FYB1: variants seen among roughly 807,000 people sequenced by gnomAD.
FYB1 encodes FYN-binding protein 1.
Under a neutral mutation model 94.1 loss-of-function variants are expected in FYB1, and 41 were observed. The ratio of observed to expected loss-of-function variants is 0.44; its 90% CI spans 0.34 to 0.57. The LOEUF is 0.57. Among genes scored for constraint, FYB1 ranks in the 20% least tolerant of loss-of-function variants. The probability of loss-of-function intolerance (pLI) is 0.02; values close to 1 mark genes in which losing one functional copy is unlikely to be tolerated. For missense variants in FYB1, 1,050 were observed against 976.8 expected (o/e 1.07, Z -1.00); for synonymous variants, 367 against 353.2 (o/e 1.04, Z -0.44).
intron 1 of FYB1, among the ~76,000 whole-genome samples, chr5:39,251,774 GA>G (rs1751721497): frequency 1.3e-5 from 2 of 151,982 alleles, no homozygotes; most frequent in Admixed American, 6.6e-5. Context: ...AGCAATGAGG[GA>G]AGGAATGAGG....
At chr5:39,198,155 T>C (rs527432807) in intron 2 of FYB1, among the ~76,000 whole-genome samples, 11 of 152,328 alleles carry the variant, frequency 7.2e-5, no homozygotes, top group Admixed American at 6.5e-4. Context: ...ATGTAGTGAT[T>C]ATAATGTGCT....
At chr5:39,188,540 CTT>C (rs35086739) in intron 2 of FYB1, among the ~76,000 whole-genome samples, 94 of 69,616 alleles carry the variant, frequency 1.4e-3, no homozygotes, top group African/African-American at 5.1e-3. Context: ...AACTACAGCA[CTT>C]TTTTTTTTTT....
intron 2 of FYB1, among the ~76,000 whole-genome samples, chr5:39,180,233 T>C (rs1477632210): frequency 6.6e-6 from 1 of 152,198 alleles, no homozygotes; most frequent in Non-Finnish European, 1.5e-5. Context: ...TTCTTCCTAG[T>C]GTATTAACGG....
At chr5:39,246,855 T>C (rs1651050112) in intron 1 of FYB1, among the ~76,000 whole-genome samples, 1 of 151,910 alleles carries the variant, frequency 6.6e-6, no homozygotes. Flanking sequence ...CAAGGCAGAA[T>C]AATACAGAGG....
intron 1 of FYB1, among the ~76,000 whole-genome samples, chr5:39,253,561 A>C (rs1751816695): frequency 6.6e-6 from 1 of 152,194 alleles, no homozygotes; most frequent in Non-Finnish European, 1.5e-5. Context: ...TACACAGGTA[A>C]ATGTGTGTTG....
Position 39,134,973 on chromosome 5 carries a change from A to G in FYB1, c.1557T>C (p.Cys519=), listed in dbSNP as rs776513947. The G allele has an allele frequency of 6.2e-7, 1 of 1,613,946 alleles. No homozygotes were observed. The change falls in exon 8 of 19, where the codon TGT becomes TGC. Residue 519 remains cysteine, a synonymous_variant. Transcript: ENST00000512982. ...CATTCTTTCCTCCTTTGACATCACA[A>G]CAAGCTTTTGCAAGATGGATGACTT... ...PIQVIHLAKA[C]CDVKGGKNEL... is the part of the protein sequence containing the mutation.
intron 1 of FYB1, among the ~76,000 whole-genome samples, chr5:39,274,007 C>A (rs1469896338): frequency 6.6e-6 from 1 of 152,054 alleles, no homozygotes; most frequent in Non-Finnish European, 1.5e-5. Context: ...TCACTGCAAC[C>A]TCCGCCTCCC....
chr5:39,186,657 T>C lies in FYB1; in HGVS notation c.1135+15169A>G, dbSNP rs201183459. Among the ~76,000 whole-genome samples the C allele has an allele frequency of 9.5e-3, 1,398 of 147,380 alleles. 40 individuals carry two copies. The East Asian group carries it at 0.11, about 11-fold the overall frequency. ...TGGATGCTTTTTTTTTTTTTTTTTTTTTTTTTTACTATTATTGATCCCTGA... is the reference window on the plus strand; with the variant it reads ...TGGATGCTTTTTTTTTTTTTTTTTTCTTTTTTTACTATTATTGATCCCTGA... On this transcript the variant is annotated intron_variant, in intron 2 of 18. Transcript: ENST00000512982.
intron 1 of FYB1, among the ~76,000 whole-genome samples, chr5:39,271,016 ATAT>A: frequency 6.6e-6 from 1 of 152,164 alleles, no homozygotes; most frequent in Non-Finnish European, 1.5e-5. Flanking sequence ...TTGAGTGGAT[ATAT>A]TATTATAAAT....
At chr5:39,212,663 A>T (rs1409686187) in intron 1 of FYB1, 1 of 152,168 alleles carries the variant, frequency 6.6e-6, no homozygotes, top group African/African-American at 2.4e-5. Flanking sequence ...TCATAAGATG[A>T]GCATCTTTTC....
At chr5:39,159,283 G>C (rs16868206) in intron 2 of FYB1, among the ~76,000 whole-genome samples, 15,685 of 151,914 alleles carry the variant, frequency 0.1, 1,256 homozygotes, top group East Asian at 0.4. Flanking sequence ...ATTTTCTCTG[G>C]GCCAGTATAG....
At chr5:39,171,286 CA>C (rs879557601) in intron 2 of FYB1, among the ~76,000 whole-genome samples, 179 of 140,056 alleles carry the variant, frequency 1.3e-3, no homozygotes, top group Middle Eastern at 3.6e-3. Context: ...ACTCTGTCTC[CA>C]AAAAAAAAAA....
intron 1 of FYB1, among the ~76,000 whole-genome samples, chr5:39,209,759 T>G (rs1353974865): frequency 2.0e-5 from 3 of 152,200 alleles, no homozygotes; most frequent in Non-Finnish European, 4.4e-5. Context: ...AGCAGACACA[T>G]CCCTGATCCT....
In FYB1 at chr5:39,177,738, C is replaced by T. The variant is rs191532790; in HGVS notation, c.1135+24088G>A. ...GTAACTCTCTTCATTTTCTTTTTCA[C>T]GTCCTGGAGATTGCATGTGTACGTG... On this transcript the variant is annotated intron_variant, in intron 2 of 18. Coordinates refer to ENST00000512982, the MANE Select transcript of FYB1 (RefSeq NM_001465.6). Among the ~76,000 whole-genome samples, 131 of 152,264 alleles carry T rather than the reference C, an allele frequency of 8.6e-4. 2 individuals carry two copies. The highest frequency in any genetic ancestry group is 5.8e-4 in the East Asian group (3 of 5,178).
chr5:39,222,396 G>C (rs1020531069), upstream of FYB1, among the ~76,000 whole-genome samples: 1 of 152,200 alleles, frequency 6.6e-6, no homozygotes, highest in African/African-American at 2.4e-5. Flanking sequence ...GAGGCCAAGG[G>C]CAGCTTCCTG....
At chr5:39,147,033 C>G (rs935779779) in intron 3 of FYB1, among the ~76,000 whole-genome samples, 3 of 152,036 alleles carry the variant, frequency 2.0e-5, no homozygotes, top group African/African-American at 2.4e-5. Flanking sequence ...GAACCAGTCA[C>G]AGCCCAAGTC....
intron 2 of FYB1, among the ~76,000 whole-genome samples, chr5:39,163,844 A>G (rs1744479928): frequency 2.1e-5 from 1 of 46,578 alleles, no homozygotes; most frequent in South Asian, 8.6e-4. Context: ...GCATAAGGCA[A>G]TAACTGAATA....
chr5:39,256,852 C>T (rs190910500), intron 1 of FYB1, among the ~76,000 whole-genome samples: 1 of 152,274 alleles, frequency 6.6e-6, no homozygotes, highest in East Asian at 1.9e-4. Context: ...GATGAATGTC[C>T]TCTTGTGATA....
intron 17 of FYB1, among the ~76,000 whole-genome samples, chr5:39,109,860 G>A (rs1468544203): frequency 6.6e-6 from 1 of 151,766 alleles, no homozygotes; most frequent in Admixed American, 6.6e-5. Context: ...CTTTTTTTCT[G>A]GCATGCTTCC....
Sources: allele counts gnomAD v4.1 joint callset (sites outside exome capture counted in the v4.1 genomes callset), GRCh38; gene constraint gnomAD v4.1.1; transcripts MANE v1.5; gene names NCBI Gene and HGNC (gene_info 2026-07-23, HGNC 2026-07-21).